Variants in DCC observed in about 807,000 individuals in gnomAD.
DCC encodes DCC netrin 1 receptor, also known as netrin receptor DCC.
Under a neutral mutation model 172.5 loss-of-function variants are expected in DCC, and 58 were observed. That is an observed-to-expected ratio of 0.34 (90% confidence interval 0.27 to 0.42). DCC has a LOEUF of 0.42. DCC is among the 10% of genes least tolerant of loss of function. DCC has a pLI of 1.00. For missense variants in DCC, 1,740 were observed against 1,791.0 expected (o/e 0.97, Z 0.51); for synonymous variants, 709 against 644.5 (o/e 1.10, Z -1.52).
intron 2 of DCC, among the ~76,000 whole-genome samples, chr18:52,837,756 C>G (rs2038732776): frequency 6.6e-6 from 1 of 152,310 alleles, no homozygotes; most frequent in African/African-American, 2.4e-5. Context: ...AATAGCTGCA[C>G]CTTATTTATG....
intron 7 of DCC, among the ~76,000 whole-genome samples, chr18:53,115,000 G>A (rs113788116): frequency 0.011 from 1,732 of 151,728 alleles, 11 homozygotes; most frequent in Non-Finnish European, 0.018. Flanking sequence ...CTAAGCCCTT[G>A]TTTGAAATGA....
intron 1 of DCC, among the ~76,000 whole-genome samples, chr18:52,727,670 T>A (rs1265741680): frequency 6.6e-6 from 1 of 152,136 alleles, no homozygotes; most frequent in Non-Finnish European, 1.5e-5. Context: ...ATCCAGTGAA[T>A]CAAAGGAAAA....
chr18:53,234,665 C>A (rs76913687), intron 12 of DCC, among the ~76,000 whole-genome samples: 15 of 152,202 alleles, frequency 9.9e-5, no homozygotes, highest in African/African-American at 3.6e-4. Context: ...TAGGCACATC[C>A]AAATCCCTTG....
intron 14 of DCC, among the ~76,000 whole-genome samples, chr18:53,329,632 C>T (rs2057508112): frequency 6.6e-6 from 1 of 151,842 alleles, no homozygotes; most frequent in African/African-American, 2.4e-5. Context: ...ACATATGTTC[C>T]TGGATGAAAA....
intron 2 of DCC, among the ~76,000 whole-genome samples, chr18:52,876,681 A>AT (rs1189421720): frequency 1.3e-5 from 2 of 152,234 alleles, no homozygotes; most frequent in African/African-American, 4.8e-5. Flanking sequence ...TATGAAGCCC[A>AT]TAAATATCTT....
At chr18:53,370,005 G>A (rs894004251) in intron 15 of DCC, among the ~76,000 whole-genome samples, 32 of 151,562 alleles carry the variant, frequency 2.1e-4, no homozygotes, top group Admixed American at 2.6e-4. Context: ...CTCCTCTTCA[G>A]TTTTTTGAAA....
intron 19 of DCC, 29 bp from the exon 20 acceptor site, chr18:53,410,423 A>G (rs1909911442): frequency 4.1e-6 from 6 of 1,472,692 alleles, no homozygotes; most frequent in Non-Finnish European, 4.8e-6. Context: ...TAGGACACCA[A>G]ATTAAGTCAC....
chr18:52,900,405 G>A (rs1403177433), intron 2 of DCC, among the ~76,000 whole-genome samples: 1 of 152,098 alleles, frequency 6.6e-6, no homozygotes, highest in Non-Finnish European at 1.5e-5. Flanking sequence ...AAAATAACAA[G>A]GTGAGACCCA....
chr18:52,590,158 G>GGTGTGT (rs4041438), intron 1 of DCC, among the ~76,000 whole-genome samples: 2 of 148,936 alleles, frequency 1.3e-5, no homozygotes, highest in Non-Finnish European at 3.0e-5. Flanking sequence ...TGGTATAAAT[G>GGTGTGT]GTGTGTGTGT....
Position 52,868,667 on chromosome 18 carries a change from G to T in DCC, c.413-37377G>T, listed in dbSNP as rs185904698. On this transcript the variant is annotated intron_variant, in intron 2 of 28. Transcript: ENST00000442544. ...TTCATGACTGTGAAGCTCTGTGGCC[G>T]GTGGCACTTTTGCCCAAGTTTTGCT... Among the ~76,000 whole-genome samples the T allele has an allele frequency of 1.4e-3, 206 of 152,296 alleles. 1 individual carries two copies. Among genetic ancestry groups the T allele is most frequent in the African/African-American group, 4.7e-3 (196 of 41,568 alleles).
At chr18:53,351,334 AG>A (rs1354253336) in intron 15 of DCC, among the ~76,000 whole-genome samples, 1 of 17,064 alleles carries the variant, frequency 5.9e-5, no homozygotes, top group Admixed American at 1.2e-3. Context: ...ATATATATAC[AG>A]TGTATATATA....
chr18:52,883,195 T>G (rs1439169830), intron 2 of DCC, among the ~76,000 whole-genome samples: 2 of 152,132 alleles, frequency 1.3e-5, no homozygotes, highest in Admixed American at 6.5e-5. Flanking sequence ...GTCTCATGTT[T>G]TAATCTATTA....
chr18:52,365,565 G>A (rs758112103), intron 1 of DCC, among the ~76,000 whole-genome samples: 1 of 152,050 alleles, frequency 6.6e-6, no homozygotes, highest in Non-Finnish European at 1.5e-5. Context: ...GAGTATGGCA[G>A]TGAAGGAAAG....
At chr18:53,140,664 A>G (rs934583656) in intron 7 of DCC, among the ~76,000 whole-genome samples, 3 of 152,148 alleles carry the variant, frequency 2.0e-5, no homozygotes, top group Non-Finnish European at 4.4e-5. Context: ...TCAGGAAGGG[A>G]AACTAGTAAT....
chr18:52,631,310 AT>A (rs1370650955), intron 1 of DCC, among the ~76,000 whole-genome samples: 1 of 152,248 alleles, frequency 6.6e-6, no homozygotes, highest in Non-Finnish European at 1.5e-5. Flanking sequence ...AGAAAAAAAA[AT>A]AAAAAACAGA....
At chr18:53,257,999 A>G (rs1284069569) in intron 12 of DCC, among the ~76,000 whole-genome samples, 5 of 152,182 alleles carry the variant, frequency 3.3e-5, no homozygotes. Context: ...TTATTTGTGT[A>G]GAGGTCTTTA....
At chr18:53,431,702 T>C (rs1214947087) in intron 21 of DCC, among the ~76,000 whole-genome samples, 1 of 152,150 alleles carries the variant, frequency 6.6e-6, no homozygotes, top group Non-Finnish European at 1.5e-5. Flanking sequence ...CCAGGCTGTC[T>C]TGATCTCTTG....
intron 5 of DCC, among the ~76,000 whole-genome samples, chr18:53,007,236 G>A (rs1465366092): frequency 3.3e-5 from 5 of 152,144 alleles, no homozygotes; most frequent in Admixed American, 2.6e-4. Context: ...ATAATTTAGG[G>A]CTGTGTGGTT....
At chr18:53,305,461 T>C in intron 12 of DCC, 117 bp from the exon 13 acceptor site, 1 of 808,304 alleles carries the variant, frequency 1.2e-6, no homozygotes, top group Non-Finnish European at 2.1e-6. Context: ...TAAGTGGCAA[T>C]CGCTAACACT....
Sources: gnomAD v4.1 joint callset for allele counts (sites outside exome capture counted in the v4.1 genomes callset) on GRCh38, gnomAD v4.1.1 for gene constraint, MANE v1.5 for transcripts, NCBI Gene and HGNC (gene_info 2026-07-23, HGNC 2026-07-21) for gene names.